The following SCAPER variants were observed in gnomAD, a reference collection of about 807,000 sequenced individuals.
SCAPER encodes the protein S phase cyclin A-associated protein in the endoplasmic reticulum.
SCAPER carries 98 observed loss-of-function variants against 182.2 expected under a neutral mutation model. The ratio of observed to expected loss-of-function variants is 0.54; its 90% CI spans 0.46 to 0.64. The LOEUF (loss-of-function observed/expected upper bound fraction) is 0.64, where lower values mean the gene tolerates loss of function less well. Among genes scored for constraint, SCAPER ranks in the 30% least tolerant of loss-of-function variants. The pLI, the probability that SCAPER is intolerant of heterozygous loss-of-function variation, is 0.00. For missense variants in SCAPER, 1,432 were observed against 1,690.0 expected, an observed-to-expected ratio of 0.85 and a Z score of 2.68; for synonymous variants, 605 against 564.6, an observed-to-expected ratio of 1.07 and a Z score of -1.01.
intron 29 of SCAPER, among the ~76,000 whole-genome samples, chr15:76,370,291 A>ATTTTTTTTTTTTT (rs10524497): frequency 5.9e-5 from 7 of 119,442 alleles, no homozygotes; most frequent in African/African-American, 1.5e-4. Context: ...TACCATTTCA[A>ATTTTTTTTTTTTT]TTTTTTTTTT....
intron 25 of SCAPER, among the ~76,000 whole-genome samples, chr15:76,449,371 T>A (rs548148933): frequency 1.3e-5 from 2 of 152,238 alleles, no homozygotes; most frequent in Non-Finnish European, 2.9e-5. Flanking sequence ...TTCTATACCT[T>A]AGATGAAAGT....
intron 4 of SCAPER, among the ~76,000 whole-genome samples, chr15:76,843,307 T>C (rs562360118): frequency 1.3e-5 from 2 of 152,332 alleles, no homozygotes; most frequent in Admixed American, 1.3e-4. Flanking sequence ...GCAGAAAATA[T>C]ATTTTATAAA....
chr15:76,713,232 G>A (rs1194382191), intron 17 of SCAPER, among the ~76,000 whole-genome samples: 1 of 151,912 alleles, frequency 6.6e-6, no homozygotes, highest in Non-Finnish European at 1.5e-5. Context: ...GATTCCTCAG[G>A]CATCTAGAAC....
intron 29 of SCAPER, among the ~76,000 whole-genome samples, chr15:76,373,812 A>C (rs1251429980): frequency 1.3e-5 from 2 of 152,210 alleles, no homozygotes; most frequent in Non-Finnish European, 2.9e-5. Flanking sequence ...AGAGGCATCA[A>C]CAATCATCTA....
intron 15 of SCAPER, among the ~76,000 whole-genome samples, chr15:76,750,543 G>A (rs1214261902): frequency 6.6e-6 from 1 of 151,644 alleles, no homozygotes; most frequent in Non-Finnish European, 1.5e-5. Flanking sequence ...AAATACTAGT[G>A]AAGCATATTA....
chr15:76,411,466 C>T (rs1218160639), intron 26 of SCAPER, among the ~76,000 whole-genome samples: 2 of 152,118 alleles, frequency 1.3e-5, no homozygotes, highest in African/African-American at 4.8e-5. Flanking sequence ...ACTCTGGTCT[C>T]AAGCATTTCA....
chr15:76,684,021 G>A (rs1464072307), intron 20 of SCAPER, among the ~76,000 whole-genome samples: 1 of 152,018 alleles, frequency 6.6e-6, no homozygotes, highest in African/African-American at 2.4e-5. Context: ...CAAATGCTAA[G>A]GGAATTCATT....
intron 23 of SCAPER, among the ~76,000 whole-genome samples, chr15:76,547,661 T>A (rs2045411089): frequency 6.6e-6 from 1 of 152,100 alleles, no homozygotes; most frequent in African/African-American, 2.4e-5. Flanking sequence ...GTGTATGGTG[T>A]GGTTATTCAT....
chr15:76,824,118 G>A (rs1172517777), intron 5 of SCAPER, among the ~76,000 whole-genome samples: 2 of 152,188 alleles, frequency 1.3e-5, no homozygotes, highest in Non-Finnish European at 2.9e-5. Context: ...AAGACAAGCA[G>A]CTGGAGCAAC....
At chr15:76,748,400 C>G (rs985362797) in intron 15 of SCAPER, among the ~76,000 whole-genome samples, 1 of 151,924 alleles carries the variant, frequency 6.6e-6, no homozygotes. Flanking sequence ...TCTAAAATCA[C>G]AAAATCTTAG....
chr15:76,379,616 A>T (rs1277298720), intron 28 of SCAPER: 2 of 152,198 alleles, frequency 1.3e-5, no homozygotes, highest in Non-Finnish European at 2.9e-5. Flanking sequence ...GGATCTGGAA[A>T]GGAGAAATGT....
intron 20 of SCAPER, among the ~76,000 whole-genome samples, chr15:76,697,478 G>A (rs182706219): frequency 3.6e-4 from 55 of 152,206 alleles, no homozygotes; most frequent in Non-Finnish European, 4.9e-4. Context: ...TTTTTCTTCC[G>A]AAGTGCGTGA....
chr15:76,494,962 G>C (rs2040356739), intron 24 of SCAPER, among the ~76,000 whole-genome samples: 1 of 151,878 alleles, frequency 6.6e-6, no homozygotes, highest in African/African-American at 2.4e-5. Flanking sequence ...GATGATGGAG[G>C]GTAAATCATT....
At chr15:76,606,904 G>A (rs2050465201) in intron 22 of SCAPER, among the ~76,000 whole-genome samples, 1 of 152,134 alleles carries the variant, frequency 6.6e-6, no homozygotes, top group African/African-American at 2.4e-5. Flanking sequence ...TTGAGCCTAT[G>A]TGTATCTCTG....
At chr15:76,499,468 C>T (rs889496908) in intron 24 of SCAPER, among the ~76,000 whole-genome samples, 2 of 152,110 alleles carry the variant, frequency 1.3e-5, no homozygotes, top group African/African-American at 4.8e-5. Context: ...GTATTTGATG[C>T]GGTATGCCCT....
At position 76,609,953 on chromosome 15, in the gene SCAPER, T is replaced by C. The variant is rs149144220; in HGVS notation, c.2711+11811A>G. Among the ~76,000 whole-genome samples, 356 of 152,284 alleles carry C rather than the reference T, an allele frequency of 2.3e-3. 3 individuals are homozygous for C. Among genetic ancestry groups the C allele is most frequent in the African/African-American group, 7.3e-3 (304 of 41,552 alleles). ...GGTTTTCCCATTTCACCAGGTAGAA[T>C]TGGCTATGATAAAACCCCAGAAGGT... On this transcript the variant is annotated intron_variant, in intron 22 of 31. Transcript: ENST00000563290.
intron 24 of SCAPER, among the ~76,000 whole-genome samples, chr15:76,482,390 A>G: frequency 6.6e-6 from 1 of 152,286 alleles, no homozygotes. Flanking sequence ...ATGAATTATT[A>G]AAGAGCATCT....
chr15:76,869,037 G>A (rs956620602), intron 2 of SCAPER, among the ~76,000 whole-genome samples: 2 of 152,144 alleles, frequency 1.3e-5, no homozygotes, highest in African/African-American at 4.8e-5. Context: ...TTCAATAAAT[G>A]GTGCTGGGAA....
intron 5 of SCAPER, among the ~76,000 whole-genome samples, chr15:76,825,447 C>T (rs2067925840): frequency 6.6e-6 from 1 of 152,182 alleles, no homozygotes; most frequent in Admixed American, 6.5e-5. Flanking sequence ...AATGGATATT[C>T]AAGTCCATAA....
Sources: gnomAD v4.1 joint callset for allele counts (sites outside exome capture counted in the v4.1 genomes callset) on GRCh38, gnomAD v4.1.1 for gene constraint, MANE v1.5 for transcripts, NCBI Gene and HGNC (gene_info 2026-07-23, HGNC 2026-07-21) for gene names.